MARVELD3: variants seen among roughly 807,000 people sequenced by gnomAD.
MARVELD3 encodes the protein MARVEL domain containing 3.
Under a neutral mutation model 33.5 loss-of-function variants are expected in MARVELD3, and 28 were observed. The ratio of observed to expected loss-of-function variants is 0.84; its 90% CI spans 0.62 to 1.15. The LOEUF (loss-of-function observed/expected upper bound fraction) is 1.15, where lower values mean the gene tolerates loss of function less well. Ranked by LOEUF, MARVELD3 falls within the 50% of genes most tolerant of loss-of-function variation. The probability of loss-of-function intolerance (pLI) is 0.00; values close to 1 mark genes in which losing one functional copy is unlikely to be tolerated. For missense variants in MARVELD3, 582 were observed against 547.6 expected, an observed-to-expected ratio of 1.06 and a Z score of -0.63; for synonymous variants, 241 against 230.4, an observed-to-expected ratio of 1.05 and a Z score of -0.42.
chr16:71,633,830 C>T (rs946253104), intron 2 of MARVELD3, among the ~76,000 whole-genome samples: 4 of 152,062 alleles, frequency 2.6e-5, no homozygotes, highest in African/African-American at 4.8e-5. Flanking sequence ...AGCCACCTCG[C>T]CCGGCCTTGT....
intron 1 of MARVELD3, 24 bp from the exon 2 acceptor site, chr16:71,629,343 A>T: frequency 6.6e-7 from 1 of 1,520,280 alleles, no homozygotes; most frequent in Non-Finnish European, 8.7e-7. Context: ...CCCCCTAATG[A>T]CCATGTATGC....
rs1320101535 is a variant in MARVELD3, at chr16:71,627,867, T to C, written c.467+1171T>C. ...TTCCATCCATTGAATACCCAGATAA[T>C]GTGCCCCACACGGTGAACTGTGAGC... On this transcript the variant is annotated intron_variant, in intron 1 of 2. Transcript: ENST00000268485. Among the ~76,000 whole-genome samples the C allele has an allele frequency of 5.9e-5, 9 of 152,272 alleles. No individual in the cohort carries two copies. In the East Asian group the frequency reaches 1.7e-3, roughly 29 times the overall value.
At chr16:71,627,700 G>GCA (rs2044488585) in intron 1 of MARVELD3, among the ~76,000 whole-genome samples, 1 of 131,496 alleles carries the variant, frequency 7.6e-6, no homozygotes, top group South Asian at 2.5e-4. Context: ...TCTCTGCCTT[G>GCA]CACAGAATTC....
intron 2 of MARVELD3, among the ~76,000 whole-genome samples, chr16:71,630,015 G>A (rs888377690): frequency 6.6e-6 from 1 of 151,686 alleles, no homozygotes; most frequent in African/African-American, 2.4e-5. Context: ...GCCCAGGAGG[G>A]AGGATCACTT....
At chr16:71,633,568 A>G (rs2044552468) in intron 2 of MARVELD3, among the ~76,000 whole-genome samples, 1 of 151,322 alleles carries the variant, frequency 6.6e-6, no homozygotes, top group Non-Finnish European at 1.5e-5. Flanking sequence ...TAATTTTTGT[A>G]TTTTTTAGTA....
At chr16:71,632,146 C>T (rs1405462807) in intron 2 of MARVELD3, among the ~76,000 whole-genome samples, 2 of 152,164 alleles carry the variant, frequency 1.3e-5, no homozygotes, top group Admixed American at 6.5e-5. Context: ...CAACACAAGG[C>T]AGAACTAGTT....
intron 1 of MARVELD3, among the ~76,000 whole-genome samples, chr16:71,628,679 G>A (rs1383719514): frequency 1.3e-5 from 2 of 152,044 alleles, no homozygotes; most frequent in East Asian, 1.9e-4. Context: ...CTGGGTCTGC[G>A]AGCATGAGGT....
In MARVELD3 at chr16:71,634,209, G is replaced by C; in HGVS notation, c.612G>C (p.Leu204=). Residue 204 remains leucine, a synonymous_variant, in exon 3 of 3, where the codon CTG becomes CTC. Transcript: ENST00000268485. ...LCTGRACCQM[L]EVLLNLLILA... is the part of the protein sequence containing the mutation. ...TTTTTGCAGCCTGCTGCCAAATGCT[G>C]GAGGTTCTCCTGAACTTGCTGATCC... is the stretch of plus-strand genomic sequence containing the variant. 6.2e-7 allele frequency: 1 copy of C among 1,602,744 alleles called. No individual in the cohort carries two copies. Among genetic ancestry groups the C allele is most frequent in the Non-Finnish European group, 8.5e-7 (1 of 1,171,470 alleles).
intron 2 of MARVELD3, chr16:71,629,719 C>T: frequency 6.0e-6 from 3 of 500,462 alleles, no homozygotes; most frequent in Non-Finnish European, 6.6e-6. Flanking sequence ...TAAACATGCC[C>T]TGGGTTTGCA....
In MARVELD3 at chr16:71,636,146, G is replaced by A; in HGVS notation, c.*1343G>A. ...TATGGAACATTACAATATATTCTCGGTCCAAGTGAGTAAGTTCTTTGCTTT... is the reference window on the plus strand; with the variant it reads ...TATGGAACATTACAATATATTCTCGATCCAAGTGAGTAAGTTCTTTGCTTT... On this transcript the variant is annotated 3_prime_UTR_variant, in exon 3 of 3. Transcript: ENST00000268485. 1.0e-6 allele frequency: 1 copy of A among 985,122 alleles called. No homozygotes were observed. Among genetic ancestry groups the A allele is most frequent in the Non-Finnish European group, 1.2e-6 (1 of 829,748 alleles). The allele number at this position is 985,122 out of a possible 1,614,324, so 61.0% of individuals were successfully genotyped here. A position where few individuals can be genotyped will look rare whatever the true frequency, so the allele number is the denominator to read the frequency against.
rs555997417 is a variant in MARVELD3 at position 71,627,372 on chromosome 16, C to T, written c.467+676C>T. ...ACAAAAACTTAGCCAGGCGTGATGG[C>T]AGATGCCTGTAATCCCAGCTACTTG... On this transcript the variant is annotated intron_variant, in intron 1 of 2. Coordinates refer to ENST00000268485, the MANE Select transcript of MARVELD3 (RefSeq NM_052858.6). 1.2e-4 allele frequency among the ~76,000 whole-genome samples: 19 copies of T among 152,238 alleles called. No individual in the cohort carries two copies. The South Asian group carries it at 3.7e-3, about 30-fold the overall frequency.
Position 71,635,664 on chromosome 16 carries a change from T to G in MARVELD3, c.*861T>G. ...AGCCACATAGACATGAGACCACACT[T>G]CAGCCTGAATTTTTCTAAAACACAG... On this transcript the variant is annotated 3_prime_UTR_variant, in exon 3 of 3. Transcript: ENST00000268485. 2 of 985,186 alleles carry G rather than the reference T, an allele frequency of 2.0e-6. No homozygotes were observed. The highest frequency in any genetic ancestry group is 2.4e-6 in the Non-Finnish European group (2 of 829,922). The allele number at this position is 985,186 out of a possible 1,614,324, so 61.0% of individuals were successfully genotyped here. A position where few individuals can be genotyped will look rare whatever the true frequency, so the allele number is the denominator to read the frequency against.
At position 71,634,326 on chromosome 16, in the gene MARVELD3, T is replaced by A. The variant is rs1344620364; in HGVS notation, c.729T>A (p.Ala243=). ...GGIYYYQFGG[A]YSGFDGADGE... is the part of the protein sequence containing the mutation. ...TTTACTACTATCAGTTCGGAGGGGC[T>A]TACAGTGGCTTTGATGGTGCTGACG... Residue 243 remains alanine, a synonymous_variant, in exon 3 of 3, where the codon GCT becomes GCA. Coordinates refer to ENST00000268485, the MANE Select transcript of MARVELD3 (RefSeq NM_052858.6). The A allele has an allele frequency of 6.2e-7, 1 of 1,614,172 alleles. No homozygotes were observed. The highest frequency in any genetic ancestry group is 8.5e-7 in the Non-Finnish European group (1 of 1,180,030).
At position 71,634,563 on chromosome 16, in the gene MARVELD3, C is replaced by T. The variant is rs777149550; in HGVS notation, c.966C>T (p.Tyr322=). The change falls in exon 3 of 3, where the codon TAC becomes TAT. Residue 322 remains tyrosine, a synonymous_variant. Transcript: ENST00000268485. The part of the protein sequence containing the change: ...LIAGGYIPAL[Y]FYFHYLSAAY... ...CGGGGGGGTACATCCCGGCCTTGTA[C>T]TTCTACTTCCACTACCTCTCTGCTG... 3.1e-6 allele frequency: 5 copies of T among 1,614,052 alleles called. No homozygotes were observed. Among genetic ancestry groups the T allele is most frequent in the Non-Finnish European group, 4.2e-6 (5 of 1,180,046 alleles).
At chr16:71,629,295 G>A in intron 1 of MARVELD3, 72 bp from the exon 2 acceptor site, 1 of 1,455,782 alleles carries the variant, frequency 6.9e-7, no homozygotes, top group Non-Finnish European at 9.1e-7. Flanking sequence ...AGCACGAGGA[G>A]TCAAGAGTTC....
chr16:71,632,345 T>C (rs1433067254), intron 2 of MARVELD3, among the ~76,000 whole-genome samples: 1 of 152,204 alleles, frequency 6.6e-6, no homozygotes, highest in Non-Finnish European at 1.5e-5. Context: ...GCATATAAGT[T>C]ATATTTCACT....
At chr16:71,640,898 G>A, downstream of MARVELD3, 1 of 1,614,176 alleles carries the variant, frequency 6.2e-7, no homozygotes, top group Non-Finnish European at 8.5e-7. Flanking sequence ...GTCTTCTCGT[G>A]ATCATGTACG....
In MARVELD3 at chr16:71,630,451, C is replaced by A. The variant is rs1276441912; in HGVS notation, c.595+957C>A. Among the ~76,000 whole-genome samples, 4 of 151,992 alleles carry A rather than the reference C, an allele frequency of 2.6e-5. No individual in the cohort carries two copies. In the East Asian group the frequency reaches 7.7e-4, roughly 29 times the overall value. On this transcript the variant is annotated intron_variant, in intron 2 of 2. Coordinates refer to ENST00000268485, the MANE Select transcript of MARVELD3 (RefSeq NM_052858.6). ...GACCAGCCTGACTAACATGGAGAAA[C>A]CCTGTCTCTACTAAAAATATAAAAT... is the stretch of plus-strand genomic sequence containing the variant.
downstream of MARVELD3, among the ~76,000 whole-genome samples, chr16:71,639,727 G>A (rs1267380690): frequency 2.0e-5 from 3 of 151,930 alleles, no homozygotes; most frequent in Non-Finnish European, 1.5e-5. Context: ...GATTACAGGC[G>A]TGAGCCACTG....
Sources: gnomAD v4.1 joint callset for allele counts (sites outside exome capture counted in the v4.1 genomes callset) on GRCh38, gnomAD v4.1.1 for gene constraint, MANE v1.5 for transcripts, NCBI Gene and HGNC (gene_info 2026-07-23, HGNC 2026-07-21) for gene names.